Variants in EDIL3 observed in about 807,000 individuals in gnomAD.
EDIL3 encodes EGF like and discoidin domains 3, also known as EGF-like repeat and discoidin I-like domain-containing protein 3.
Under a neutral mutation model 67.4 loss-of-function variants are expected in EDIL3, and 37 were observed. The ratio of observed to expected loss-of-function variants is 0.55; its 90% CI spans 0.42 to 0.72. The LOEUF (loss-of-function observed/expected upper bound fraction) is 0.72, where lower values mean the gene tolerates loss of function less well. Ranked by LOEUF, EDIL3 falls within the 30% of genes least tolerant of loss-of-function variation. EDIL3 has a pLI of 0.00. For missense variants in EDIL3, 527 were observed against 586.3 expected, an observed-to-expected ratio of 0.90 and a Z score of 1.04; for synonymous variants, 195 against 196.3, an observed-to-expected ratio of 0.99 and a Z score of 0.05.
rs945826437 is a variant in EDIL3 at position 84,196,197 on chromosome 5, A to T, written c.227-15676T>A. ...ATTTATTGATATTACTTTGCAAAAAAAATATAAATGATTTGGGTCTCCACA... is the reference window on the plus strand; with the variant it reads ...ATTTATTGATATTACTTTGCAAAAATAATATAAATGATTTGGGTCTCCACA... On this transcript the variant is annotated intron_variant, in intron 3 of 10. Transcript: ENST00000296591. Among the ~76,000 whole-genome samples the T allele has an allele frequency of 4.6e-5, 7 of 152,022 alleles. No homozygotes were observed. The East Asian group carries it at 1.4e-3, about 29-fold the overall frequency.
intron 6 of EDIL3, among the ~76,000 whole-genome samples, chr5:84,075,675 A>G (rs1054740045): frequency 6.6e-6 from 1 of 152,040 alleles, no homozygotes; most frequent in Non-Finnish European, 1.5e-5. Flanking sequence ...GAGTTTCTCC[A>G]TGTTGGTCAG....
intron 1 of EDIL3, among the ~76,000 whole-genome samples, chr5:84,340,534 C>CTCTCTCTCTCTATATATA (rs1432966515): frequency 3.7e-5 from 2 of 54,208 alleles, no homozygotes; most frequent in Non-Finnish European, 7.3e-5. Flanking sequence ...CTCTCTCTCT[C>CTCTCTCTCTCTATATATA]TATATATATA....
intron 1 of EDIL3, among the ~76,000 whole-genome samples, chr5:84,277,965 G>C (rs1745614234): frequency 1.3e-5 from 2 of 152,046 alleles, no homozygotes; most frequent in African/African-American, 4.8e-5. Context: ...CCATGTCACT[G>C]GAAATCTAAT....
chr5:84,123,342 G>A (rs113918612), intron 5 of EDIL3, among the ~76,000 whole-genome samples: 124 of 151,990 alleles, frequency 8.2e-4, no homozygotes, highest in Non-Finnish European at 1.2e-3. Context: ...TGTTGCTGTG[G>A]TTAAATTTGT....
chr5:84,084,140 T>C (rs1282800214), intron 6 of EDIL3, among the ~76,000 whole-genome samples: 3 of 152,188 alleles, frequency 2.0e-5, no homozygotes. Context: ...AAATAAATTA[T>C]TTGAAATTTA....
At chr5:84,338,633 A>T (rs1747036182) in intron 1 of EDIL3, among the ~76,000 whole-genome samples, 1 of 152,186 alleles carries the variant, frequency 6.6e-6, no homozygotes, top group Non-Finnish European at 1.5e-5. Context: ...AAGCCTTGTA[A>T]CAAAACTCAA....
chr5:84,240,704 G>A (rs1270732694), intron 2 of EDIL3, among the ~76,000 whole-genome samples: 1 of 152,202 alleles, frequency 6.6e-6, no homozygotes, highest in Non-Finnish European at 1.5e-5. Context: ...TGTCTTCCAC[G>A]AAACTGGTTC....
chr5:84,275,827 C>T (rs1014515518), intron 1 of EDIL3, among the ~76,000 whole-genome samples: 4 of 152,310 alleles, frequency 2.6e-5, no homozygotes, highest in African/African-American at 9.6e-5. Context: ...CAAATGCATG[C>T]TCCAAAACAA....
intron 1 of EDIL3, among the ~76,000 whole-genome samples, chr5:84,296,846 A>G (rs1177934166): frequency 1.3e-5 from 2 of 152,208 alleles, no homozygotes; most frequent in Non-Finnish European, 2.9e-5. Flanking sequence ...ACAAAGGTCT[A>G]TTATCCAGAA....
At chr5:84,368,926 A>G (rs1025681167) in intron 1 of EDIL3, among the ~76,000 whole-genome samples, 2 of 152,092 alleles carry the variant, frequency 1.3e-5, no homozygotes, top group African/African-American at 2.4e-5. Context: ...ATGAGATACC[A>G]TTTTACACTA....
chr5:84,383,022 G>A (rs1748121247), intron 1 of EDIL3, among the ~76,000 whole-genome samples: 1 of 152,232 alleles, frequency 6.6e-6, no homozygotes, highest in African/African-American at 2.4e-5. Context: ...TAGATGGATA[G>A]GTGCATGGAT....
intron 9 of EDIL3, among the ~76,000 whole-genome samples, chr5:84,031,126 TA>T (rs2112202656): frequency 6.6e-6 from 1 of 152,266 alleles, no homozygotes; most frequent in Admixed American, 6.5e-5. Context: ...GACTTGGGCT[TA>T]ACCTTATGAC....
chr5:83,966,583 G>A (rs1372963936), intron 9 of EDIL3, among the ~76,000 whole-genome samples: 1 of 152,006 alleles, frequency 6.6e-6, no homozygotes, highest in East Asian at 1.9e-4. Flanking sequence ...TAACGGAACT[G>A]GGTGGTTTGG....
chr5:84,106,997 A>G (rs1739131314), intron 5 of EDIL3, among the ~76,000 whole-genome samples, 167 bp from the exon 6 acceptor site: 1 of 152,060 alleles, frequency 6.6e-6, no homozygotes, highest in African/African-American at 2.4e-5. Flanking sequence ...AATTAAGGAA[A>G]TAATTCTTGC....
At chr5:83,947,571 G>C (rs1017982960) in intron 10 of EDIL3, among the ~76,000 whole-genome samples, 4 of 151,760 alleles carry the variant, frequency 2.6e-5, no homozygotes, top group Non-Finnish European at 5.9e-5. Context: ...TATAATGAAA[G>C]AATCTGAGAT....
chr5:84,276,595 G>A (rs1477672478), intron 1 of EDIL3, among the ~76,000 whole-genome samples: 3 of 151,818 alleles, frequency 2.0e-5, no homozygotes, highest in Non-Finnish European at 2.9e-5. Flanking sequence ...TTGAGATGGA[G>A]TCTTGCTCTG....
At chr5:84,053,930 A>G (rs1746392804) in intron 9 of EDIL3, among the ~76,000 whole-genome samples, 1 of 152,186 alleles carries the variant, frequency 6.6e-6, no homozygotes. Context: ...TCAATAGAAA[A>G]AGAGGGAATC....
chr5:84,054,374 A>C (rs1385704578), intron 9 of EDIL3, among the ~76,000 whole-genome samples: 2 of 152,204 alleles, frequency 1.3e-5, no homozygotes, highest in African/African-American at 2.4e-5. Flanking sequence ...CAAAAACTGG[A>C]AGCATTCCCT....
At chr5:84,067,420 A>T (rs1334242321) in intron 6 of EDIL3, among the ~76,000 whole-genome samples, 1 of 152,162 alleles carries the variant, frequency 6.6e-6, no homozygotes, top group Non-Finnish European at 1.5e-5. Context: ...ATATATAGTA[A>T]ACATTAAAAT....
Sources: gnomAD v4.1 joint callset for allele counts (sites outside exome capture counted in the v4.1 genomes callset) on GRCh38, gnomAD v4.1.1 for gene constraint, MANE v1.5 for transcripts, NCBI Gene and HGNC (gene_info 2026-07-23, HGNC 2026-07-21) for gene names.